The following IRGM variants were observed in gnomAD, a reference collection of about 807,000 sequenced individuals.
IRGM encodes immunity related GTPase M, also known as immunity-related GTPase family M protein.
For synonymous variants in IRGM, 98 were observed against 80.6 expected, an observed-to-expected ratio of 1.22 and a Z score of -1.16; for missense variants, 288 against 219.9, an observed-to-expected ratio of 1.31 and a Z score of -1.96.
intron 3 of IRGM, chr5:150,896,710 T>C (rs537218297): frequency 6.2e-6 from 10 of 1,613,628 alleles, no homozygotes; most frequent in Middle Eastern, 1.7e-4. Flanking sequence ...GATATATCTG[T>C]TTCTATGCAC....
Position 150,847,804 on chromosome 5 carries a change from T to G in IRGM, c.-320T>G. The G allele has an allele frequency of 3.9e-5, 11 of 278,680 alleles. No individual in the cohort carries two copies. The highest frequency in any genetic ancestry group is 4.7e-5 in the Non-Finnish European group (7 of 149,414). 17.3% of individuals were successfully genotyped at this position (278,680 alleles called of 1,614,324 possible). ...ACCTCTTTTTGCCACACCATAAGCATTGGGTTTTGTTTGTTTTGAGATGGA... is the reference window on the plus strand; with the variant it reads ...ACCTCTTTTTGCCACACCATAAGCAGTGGGTTTTGTTTGTTTTGAGATGGA... On this transcript the variant is annotated 5_prime_UTR_variant, in exon 2 of 2. Coordinates refer to ENST00000522154, the MANE Select transcript of IRGM (RefSeq NM_001145805.2).
chr5:150,896,695 G>T, intron 3 of IRGM: 2 of 1,613,464 alleles, frequency 1.2e-6, no homozygotes, highest in Non-Finnish European at 8.5e-7. Context: ...TGGAATCTCT[G>T]TATTGATATA....
At chr5:150,886,631 C>A (rs752192297) in intron 3 of IRGM, among the ~76,000 whole-genome samples, 23 of 151,808 alleles carry the variant, frequency 1.5e-4, no homozygotes, top group Non-Finnish European at 2.9e-4. Flanking sequence ...ATCTTGGGAG[C>A]ATGTATACGT....
intron 3 of IRGM, among the ~76,000 whole-genome samples, chr5:150,891,364 G>C (rs1388547173): frequency 6.6e-6 from 1 of 151,848 alleles, no homozygotes; most frequent in African/African-American, 2.4e-5. Flanking sequence ...TAGTCTCTGC[G>C]TTTTTATCTA....
intron 3 of IRGM, chr5:150,895,573 T>G: frequency 6.2e-7 from 1 of 1,613,598 alleles, no homozygotes; most frequent in Non-Finnish European, 8.5e-7. Flanking sequence ...GAAAAGGCCT[T>G]TCCACATTCA....
chr5:150,885,543 A>C (rs1754508281), intron 3 of IRGM, among the ~76,000 whole-genome samples: 1 of 152,120 alleles, frequency 6.6e-6, no homozygotes, highest in Non-Finnish European at 1.5e-5. Context: ...ATTTTTATCC[A>C]TGAGCATGGG....
chr5:150,893,829 A>G (rs2113303228), intron 3 of IRGM, among the ~76,000 whole-genome samples: 2 of 152,230 alleles, frequency 1.3e-5, no homozygotes, highest in Middle Eastern at 6.8e-3. Flanking sequence ...TATTTCTGTT[A>G]TTCAACAATA....
intron 3 of IRGM, among the ~76,000 whole-genome samples, chr5:150,887,126 A>G (rs528283204): frequency 2.0e-5 from 3 of 152,080 alleles, no homozygotes; most frequent in African/African-American, 7.2e-5. Context: ...AATTCAGAAT[A>G]TGGACAGAAA....
At chr5:150,877,270 G>C (rs996294352) in intron 1 of IRGM, among the ~76,000 whole-genome samples, 35 of 152,260 alleles carry the variant, frequency 2.3e-4, no homozygotes, top group African/African-American at 8.4e-4. Context: ...TGAGTCAGTG[G>C]ACTGGGAAAG....
At chr5:150,866,386 T>C (rs1439596203) in intron 1 of IRGM, among the ~76,000 whole-genome samples, 1 of 152,208 alleles carries the variant, frequency 6.6e-6, no homozygotes, top group Non-Finnish European at 1.5e-5. Context: ...CATACTCTAA[T>C]TCCAGATGGA....
chr5:150,871,790 T>G (rs1754286240), intron 1 of IRGM, among the ~76,000 whole-genome samples: 1 of 152,238 alleles, frequency 6.6e-6, no homozygotes, highest in African/African-American at 2.4e-5. Flanking sequence ...TCAAACAAAT[T>G]GTTTAAAGTG....
intron 1 of IRGM, among the ~76,000 whole-genome samples, chr5:150,870,475 A>G (rs1754267330): frequency 6.6e-6 from 1 of 151,272 alleles, no homozygotes; most frequent in Admixed American, 6.6e-5. Flanking sequence ...CCCAAATTTA[A>G]TCAAGATCTA....
intron 3 of IRGM, chr5:150,895,197 G>A (rs1171773737): frequency 2.3e-6 from 1 of 431,602 alleles, no homozygotes; most frequent in African/African-American, 2.0e-5. Context: ...GCTGATCACT[G>A]AGTTCATAAC....
At chr5:150,893,129 A>G (rs1229935904) in intron 3 of IRGM, among the ~76,000 whole-genome samples, 1 of 152,094 alleles carries the variant, frequency 6.6e-6, no homozygotes, top group Non-Finnish European at 1.5e-5. Flanking sequence ...TGTGAATGGT[A>G]TGCAGTAAAT....
intron 3 of IRGM, chr5:150,896,206 T>C: frequency 6.2e-7 from 1 of 1,613,622 alleles, no homozygotes. Context: ...GTGTGAACTC[T>C]CTGATGTATA....
chr5:150,875,696 T>C (rs1351938222), intron 1 of IRGM, among the ~76,000 whole-genome samples: 1 of 152,142 alleles, frequency 6.6e-6, no homozygotes, highest in Non-Finnish European at 1.5e-5. Context: ...AAGTTACACA[T>C]GAGCTCAGCA....
intron 3 of IRGM, among the ~76,000 whole-genome samples, chr5:150,883,438 A>T (rs558607451): frequency 6.6e-6 from 1 of 151,916 alleles, no homozygotes; most frequent in East Asian, 1.9e-4. Context: ...AACAAGACAA[A>T]CAATAGAAAG....
intron 3 of IRGM, among the ~76,000 whole-genome samples, chr5:150,891,444 TAA>T: frequency 6.6e-6 from 1 of 152,136 alleles, no homozygotes; most frequent in Non-Finnish European, 1.5e-5. Context: ...ATCATTAGAT[TAA>T]GACTATCATT....
At chr5:150,852,487 C>T (rs1753990802), downstream of IRGM, among the ~76,000 whole-genome samples, 1 of 151,978 alleles carries the variant, frequency 6.6e-6, no homozygotes, top group Non-Finnish European at 1.5e-5. Flanking sequence ...TAATCAAAGC[C>T]CATTTTAGAT....
Sources: gnomAD v4.1 joint callset for allele counts (sites outside exome capture counted in the v4.1 genomes callset) on GRCh38, gnomAD v4.1.1 for gene constraint, MANE v1.5 for transcripts, NCBI Gene and HGNC (gene_info 2026-07-23, HGNC 2026-07-21) for gene names.